Variants in GPHN observed in about 807,000 individuals in gnomAD.
The protein encoded by GPHN is gephyrin.
A neutral mutation model predicts 95.5 loss-of-function variants in GPHN; 17 were observed. That is an observed-to-expected ratio of 0.18 (90% confidence interval 0.12 to 0.27). GPHN has a LOEUF of 0.27. Among genes scored for constraint, GPHN ranks in the 10% least tolerant of loss-of-function variants. GPHN has a pLI of 1.00. For synonymous variants in GPHN, 320 were observed against 322.5 expected, an observed-to-expected ratio of 0.99 and a Z score of 0.08; for missense variants, 660 against 978.1, an observed-to-expected ratio of 0.67 and a Z score of 4.34.
At chr14:67,597,052 T>C in the GPHN span, among the ~76,000 whole-genome samples, 1 of 152,256 alleles carries the variant, frequency 6.6e-6, no homozygotes, top group Admixed American at 6.5e-5. Context: ...TTTGGGCCTG[T>C]GGTCTGGTTT....
At chr14:66,664,280 C>A (rs2065823587) in intron 1 of GPHN, among the ~76,000 whole-genome samples, 1 of 152,196 alleles carries the variant, frequency 6.6e-6, no homozygotes, top group African/African-American at 2.4e-5. Context: ...TCATAACCAA[C>A]AGTCTCTTGG....
the GPHN span, chr14:67,646,644 G>A: frequency 1.9e-6 from 3 of 1,603,948 alleles, no homozygotes; most frequent in Non-Finnish European, 2.6e-6. Flanking sequence ...CCTTTCATAG[G>A]TACCACAACT....
At chr14:67,597,922 A>G in the GPHN span, among the ~76,000 whole-genome samples, 1 of 152,188 alleles carries the variant, frequency 6.6e-6, no homozygotes, top group Admixed American at 6.5e-5. Context: ...AACAACCTGG[A>G]ACTTTAATAG....
intron 8 of GPHN, among the ~76,000 whole-genome samples, chr14:66,944,088 G>A (rs1056082641): frequency 4.6e-5 from 7 of 152,040 alleles, no homozygotes; most frequent in African/African-American, 1.7e-4. Context: ...AAACATAAAG[G>A]CCATTTAAAT....
chr14:67,353,852 G>C, the GPHN span: 1 of 152,032 alleles, frequency 6.6e-6, no homozygotes, highest in Non-Finnish European at 1.5e-5. Context: ...GCAGTGGTAT[G>C]ATCATAGCTT....
the GPHN span, among the ~76,000 whole-genome samples, chr14:67,436,760 G>C: frequency 1.3e-5 from 2 of 152,206 alleles, no homozygotes; most frequent in Non-Finnish European, 2.9e-5. Flanking sequence ...AAATGGCAGA[G>C]AAGACACCAG....
At chr14:66,978,038 C>T (rs1285906699) in intron 9 of GPHN, among the ~76,000 whole-genome samples, 1 of 152,176 alleles carries the variant, frequency 6.6e-6, no homozygotes, top group Non-Finnish European at 1.5e-5. Flanking sequence ...TGTTTATACT[C>T]TCCTGTAGTC....
At chr14:67,495,020 A>G in the GPHN span, among the ~76,000 whole-genome samples, 1 of 152,246 alleles carries the variant, frequency 6.6e-6, no homozygotes, top group African/African-American at 2.4e-5. Flanking sequence ...TAAAGAGTAT[A>G]TGAGTGTTTT....
intron 7 of GPHN, among the ~76,000 whole-genome samples, chr14:66,923,252 A>G (rs545781355): frequency 1.1e-4 from 16 of 152,320 alleles, no homozygotes; most frequent in Non-Finnish European, 1.9e-4. Flanking sequence ...TATTAAATAT[A>G]TAATGTTTAT....
intron 1 of GPHN, among the ~76,000 whole-genome samples, chr14:66,652,940 A>C (rs1044804466): frequency 2.0e-5 from 3 of 152,136 alleles, no homozygotes; most frequent in Admixed American, 6.5e-5. Flanking sequence ...CCTGCATTCC[A>C]TGCAGGCTTG....
At chr14:66,943,628 C>T (rs1401497917) in intron 8 of GPHN, among the ~76,000 whole-genome samples, 1 of 152,130 alleles carries the variant, frequency 6.6e-6, no homozygotes, top group African/African-American at 2.4e-5. Context: ...AGATTAAAGT[C>T]ACATGAACTG....
chr14:66,569,904 T>C (rs1481713874), intron 1 of GPHN, among the ~76,000 whole-genome samples: 1 of 152,168 alleles, frequency 6.6e-6, no homozygotes, highest in Non-Finnish European at 1.5e-5. Context: ...TTCTTCCTTT[T>C]AGCAGAAATT....
the GPHN span, chr14:67,280,120 G>A: frequency 6.6e-6 from 1 of 152,196 alleles, no homozygotes; most frequent in Non-Finnish European, 1.5e-5. Flanking sequence ...AATGGATTTT[G>A]AGAACTCTGG....
chr14:67,384,077 T>C, the GPHN span: 18 of 154,832 alleles, frequency 1.2e-4, no homozygotes, highest in African/African-American at 4.1e-4. Flanking sequence ...TTAAAATGCA[T>C]TGAAAGAATT....
chr14:67,153,077 G>C (rs924302226), intron 18 of GPHN, among the ~76,000 whole-genome samples: 1 of 152,198 alleles, frequency 6.6e-6, no homozygotes, highest in African/African-American at 2.4e-5. Context: ...AAGGCGGGCA[G>C]ATCCTTAAGC....
chr14:67,001,756 A>G (rs770303990), intron 9 of GPHN, among the ~76,000 whole-genome samples: 2 of 151,756 alleles, frequency 1.3e-5, no homozygotes, highest in African/African-American at 2.4e-5. Flanking sequence ...GCAGCTTTCT[A>G]TACATTACAG....
At chr14:67,089,356 A>T (rs2077057291) in intron 12 of GPHN, among the ~76,000 whole-genome samples, 1 of 151,760 alleles carries the variant, frequency 6.6e-6, no homozygotes, top group Non-Finnish European at 1.5e-5. Flanking sequence ...ATATTTGTGG[A>T]TACATGGTAG....
intron 5 of GPHN, among the ~76,000 whole-genome samples, chr14:66,914,217 G>A (rs1008837809): frequency 2.6e-5 from 4 of 152,152 alleles, no homozygotes; most frequent in African/African-American, 9.7e-5. Context: ...TAGAGCAAGT[G>A]AAGTATTATT....
chr14:67,053,172 TTTG>T (rs200558066), intron 10 of GPHN, among the ~76,000 whole-genome samples: 3 of 107,210 alleles, frequency 2.8e-5, no homozygotes, highest in African/African-American at 1.0e-4. Context: ...TAGGAGCTGG[TTTG>T]TTTTTTTTTT....
Sources: allele counts gnomAD v4.1 joint callset (sites outside exome capture counted in the v4.1 genomes callset), GRCh38; gene constraint gnomAD v4.1.1; transcripts MANE v1.5; gene names NCBI Gene and HGNC (gene_info 2026-07-23, HGNC 2026-07-21).